Variants in STAG1 observed in about 807,000 individuals in gnomAD.
STAG1 encodes the protein STAG1 cohesin complex component.
STAG1 carries 26 observed loss-of-function variants against 170.9 expected under a neutral mutation model. The ratio of observed to expected loss-of-function variants is 0.15; its 90% CI spans 0.11 to 0.21. The LOEUF is 0.21. Ranked by LOEUF, STAG1 falls within the 10% of genes least tolerant of loss-of-function variation. The pLI, the probability that STAG1 is intolerant of heterozygous loss-of-function variation, is 1.00. For synonymous variants in STAG1, 514 were observed against 497.7 expected (o/e 1.03, Z -0.44); for missense variants, 964 against 1,509.5 (o/e 0.64, Z 5.99).
intron 23 of STAG1, among the ~76,000 whole-genome samples, chr3:136,374,696 T>G (rs1937516478): frequency 1.3e-5 from 2 of 151,996 alleles, no homozygotes; most frequent in Admixed American, 1.3e-4. Context: ...AGTTTAAAAG[T>G]TAAAAAAATT....
chr3:136,673,632 A>G (rs563962236), intron 1 of STAG1, among the ~76,000 whole-genome samples: 1 of 152,300 alleles, frequency 6.6e-6, no homozygotes, highest in Admixed American at 6.5e-5. Context: ...ACCTGTTATC[A>G]TAACAATTAT....
At chr3:136,380,574 T>C (rs145536601) in intron 22 of STAG1, among the ~76,000 whole-genome samples, 2 of 151,846 alleles carry the variant, frequency 1.3e-5, no homozygotes, top group African/African-American at 2.4e-5. Flanking sequence ...GAAAATAATA[T>C]ATTGGCTCTA....
intron 16 of STAG1, among the ~76,000 whole-genome samples, chr3:136,431,008 A>G (rs2088287223): frequency 6.6e-6 from 1 of 151,908 alleles, no homozygotes; most frequent in African/African-American, 2.4e-5. Flanking sequence ...GGTTCAAGCA[A>G]TTCTCCTGCC....
At chr3:136,530,645 A>G (rs1935323738) in intron 6 of STAG1, among the ~76,000 whole-genome samples, 1 of 152,206 alleles carries the variant, frequency 6.6e-6, no homozygotes, top group Admixed American at 6.5e-5. Flanking sequence ...CATGAAAATT[A>G]AAAAACACAC....
intron 1 of STAG1, among the ~76,000 whole-genome samples, chr3:136,709,288 T>G (rs1186009675): frequency 1.5e-5 from 2 of 135,352 alleles, no homozygotes; most frequent in Non-Finnish European, 1.6e-5. Context: ...AGACTCTGTC[T>G]CAAAAAAAAC....
At chr3:136,544,708 TA>T (rs1312679572) in intron 5 of STAG1, among the ~76,000 whole-genome samples, 1 of 149,388 alleles carries the variant, frequency 6.7e-6, no homozygotes, top group Non-Finnish European at 1.5e-5. Context: ...GAGGTTGCAG[TA>T]AGTTGAGATT....
At chr3:136,368,712 TAGAG>T (rs1353449157) in intron 24 of STAG1, among the ~76,000 whole-genome samples, 2 of 152,138 alleles carry the variant, frequency 1.3e-5, no homozygotes, top group Non-Finnish European at 2.9e-5. Context: ...GTGTAGCTGT[TAGAG>T]AAAGACAGAG....
intron 14 of STAG1, among the ~76,000 whole-genome samples, chr3:136,443,698 T>C (rs1006881365): frequency 7.2e-5 from 11 of 152,210 alleles, no homozygotes; most frequent in African/African-American, 1.9e-4. Context: ...TCTGAAGTTA[T>C]ATGCTGGATC....
chr3:136,678,116 C>G (rs1474760249), intron 1 of STAG1, among the ~76,000 whole-genome samples: 1 of 150,134 alleles, frequency 6.7e-6, no homozygotes, highest in South Asian at 2.1e-4. Context: ...GTATCAATTG[C>G]CCCCATATTA....
intron 1 of STAG1, among the ~76,000 whole-genome samples, chr3:136,714,953 A>ATATATATATATATTTTATATATATATTTT (rs1383177403): frequency 1.1e-5 from 1 of 91,018 alleles, no homozygotes; most frequent in East Asian, 2.2e-4. Flanking sequence ...ATATATATAT[A>ATATATATATATATTTTATATATATATTTT]TATATATATA....
chr3:136,598,344 C>G (rs559552516), intron 4 of STAG1, among the ~76,000 whole-genome samples: 177 of 152,254 alleles, frequency 1.2e-3, no homozygotes, highest in African/African-American at 3.9e-3. Flanking sequence ...AATGCTTTAG[C>G]TGGCTCCAAC....
rs1222690028 is a variant in STAG1 at position 136,452,144 on chromosome 3, T to C, written c.1317A>G (p.Leu439=). The change falls in exon 14 of 34, where the codon CTA becomes CTG. Residue 439 remains leucine (L), a synonymous_variant. Transcript: ENST00000383202. ...VAAGEFLHKK[L]FSRHDPQAEE... ...CTGCTTGTGGGTCATGTCTGCTAAA[T>C]AGCCTGGAAATGAAAAACAGGGCAT... is the stretch of plus-strand genomic sequence containing the variant. 1.2e-6 allele frequency: 2 copies of C among 1,609,476 alleles called. No individual in the cohort carries two copies. Among genetic ancestry groups the C allele is most frequent in the Non-Finnish European group, 1.7e-6 (2 of 1,177,188 alleles).
At chr3:136,626,479 T>A (rs1332601901) in intron 2 of STAG1, among the ~76,000 whole-genome samples, 1 of 151,900 alleles carries the variant, frequency 6.6e-6, no homozygotes, top group Non-Finnish European at 1.5e-5. Context: ...ATTTTAGGCT[T>A]ATGGGTCTTA....
chr3:136,387,054 C>CTTA (rs66806184), intron 22 of STAG1, among the ~76,000 whole-genome samples: 1 of 53,624 alleles, frequency 1.9e-5, no homozygotes, highest in Non-Finnish European at 4.0e-5. Context: ...CAAAACTAAA[C>CTTA]TGCTTACCCA....
At chr3:136,665,506 G>A (rs1205939082) in intron 1 of STAG1, among the ~76,000 whole-genome samples, 7 of 152,170 alleles carry the variant, frequency 4.6e-5, no homozygotes, top group South Asian at 2.1e-4. Context: ...AAGGCCAGGC[G>A]CAGAGGCTCA....
intron 1 of STAG1, among the ~76,000 whole-genome samples, chr3:136,668,369 A>T (rs1195581272): frequency 6.8e-6 from 1 of 146,374 alleles, no homozygotes; most frequent in Non-Finnish European, 1.5e-5. Context: ...ATTATACATA[A>T]TATATTATAC....
chr3:136,656,868 C>T (rs891659305), intron 1 of STAG1, among the ~76,000 whole-genome samples: 7 of 151,952 alleles, frequency 4.6e-5, no homozygotes, highest in African/African-American at 9.7e-5. Context: ...AATATTAATA[C>T]GTATCAAGAC....
intron 1 of STAG1, among the ~76,000 whole-genome samples, chr3:136,638,300 A>AT (rs1315239552): frequency 6.6e-6 from 1 of 151,372 alleles, no homozygotes; most frequent in African/African-American, 2.4e-5. Context: ...CACCCAGCTA[A>AT]TTTTTTGTAT....
chr3:136,401,285 AC>A (rs760448321), intron 21 of STAG1, among the ~76,000 whole-genome samples: 2 of 152,140 alleles, frequency 1.3e-5, no homozygotes, highest in Non-Finnish European at 2.9e-5. Flanking sequence ...GTGGTAAAAA[AC>A]CTATCCAAAT....
Sources: gnomAD v4.1 joint callset for allele counts (sites outside exome capture counted in the v4.1 genomes callset) on GRCh38, gnomAD v4.1.1 for gene constraint, MANE v1.5 for transcripts, NCBI Gene and HGNC (gene_info 2026-07-23, HGNC 2026-07-21) for gene names.